CDH23: variants seen among roughly 807,000 people sequenced by gnomAD.
CDH23 encodes the protein cadherin related 23.
A neutral mutation model predicts 317.1 loss-of-function variants in CDH23; 189 were observed. The observed-to-expected ratio is 0.60, with a 90% CI of 0.53 to 0.67. The LOEUF is 0.67. CDH23 is among the 30% of genes least tolerant of loss of function. The pLI is 0.00. For synonymous variants in CDH23, 1,839 were observed against 1,876.8 expected (o/e 0.98, Z 0.52); for missense variants, 4,401 against 4,592.4 (o/e 0.96, Z 1.20).
intron 14 of CDH23, among the ~76,000 whole-genome samples, chr10:71,660,740 A>T (rs1327329042): frequency 6.6e-6 from 1 of 152,208 alleles, no homozygotes; most frequent in Non-Finnish European, 1.5e-5. Context: ...AAGTTAGGGA[A>T]GGCATGGCTG....
intron 26 of CDH23, chr10:71,707,303 T>C: frequency 7.0e-7 from 1 of 1,429,830 alleles, no homozygotes; most frequent in Non-Finnish European, 9.1e-7. Flanking sequence ...ACGGGGAGCA[T>C]CTACCAAGGT....
intron 18 of CDH23, among the ~76,000 whole-genome samples, chr10:71,686,193 C>T (rs76730181): frequency 0.028 from 4,247 of 152,114 alleles, 257 homozygotes; most frequent in East Asian, 0.24. Flanking sequence ...GAAATATCAC[C>T]GCTAATAAGT....
intron 11 of CDH23, among the ~76,000 whole-genome samples, chr10:71,634,219 G>A (rs80180125): frequency 0.057 from 8,651 of 152,310 alleles, 359 homozygotes; most frequent in Non-Finnish European, 0.097. Context: ...CCCTCTCTGC[G>A]GTGCTGCCCC....
At chr10:71,442,140 G>A (rs1564582465) in intron 2 of CDH23, among the ~76,000 whole-genome samples, 1 of 152,164 alleles carries the variant, frequency 6.6e-6, no homozygotes, top group Non-Finnish European at 1.5e-5. Flanking sequence ...GAGCAAAATG[G>A]GGCATAGAAA....
intron 3 of CDH23, among the ~76,000 whole-genome samples, chr10:71,457,665 G>A (rs1018769496): frequency 1.3e-5 from 2 of 152,262 alleles, no homozygotes; most frequent in Non-Finnish European, 2.9e-5. Context: ...CGGTGCCTGA[G>A]TCCCAGGCCT....
chr10:71,443,392 C>T (rs1228250704), intron 2 of CDH23, among the ~76,000 whole-genome samples: 1 of 152,242 alleles, frequency 6.6e-6, no homozygotes, highest in Non-Finnish European at 1.5e-5. Flanking sequence ...ACCTCCATGC[C>T]GCCACCCAGC....
At chr10:71,683,484 C>T (rs1864742417) in intron 18 of CDH23, among the ~76,000 whole-genome samples, 1 of 152,182 alleles carries the variant, frequency 6.6e-6, no homozygotes. Flanking sequence ...GTCTTCTCAA[C>T]CCGAGGCTGA....
chr10:71,503,780 T>C (rs1589143059), intron 3 of CDH23, among the ~76,000 whole-genome samples: 1 of 152,184 alleles, frequency 6.6e-6, no homozygotes, highest in South Asian at 2.1e-4. Context: ...CTCCCCAACG[T>C]GCTAACTCGC....
At chr10:71,573,389 A>G (rs763978166) in intron 8 of CDH23, among the ~76,000 whole-genome samples, 2 of 152,198 alleles carry the variant, frequency 1.3e-5, no homozygotes, top group South Asian at 2.1e-4. Context: ...TGAGCTGTCC[A>G]TCCATTGGGT....
chr10:71,640,623 C>T (rs910172343), intron 11 of CDH23, among the ~76,000 whole-genome samples: 2 of 152,208 alleles, frequency 1.3e-5, no homozygotes, highest in African/African-American at 4.8e-5. Context: ...TGGCGCATGC[C>T]TGTAATCCCA....
rs894085797 is a variant in CDH23 at position 71,503,957 on chromosome 10, G to A, written c.146-6125G>A. On this transcript the variant is annotated intron_variant, in intron 3 of 69. Transcript: ENST00000224721. ...GTGGGGCCAGATGGGGCTCAGCCCA[G>A]TGAGCCTGTGAGATTCAGTGATGGA... is the stretch of plus-strand genomic sequence containing the variant. Among the ~76,000 whole-genome samples, 8 of 152,302 alleles carry A rather than the reference G, an allele frequency of 5.3e-5. No homozygotes were observed. The East Asian group carries it at 1.5e-3, about 29-fold the overall frequency.
rs1322044974 is a variant in CDH23, at chr10:71,682,428, T to C, written c.1859-17T>C. On this transcript the variant is annotated splice_polypyrimidine_tract_variant and intron_variant, in intron 17 of 69. Coordinates refer to ENST00000224721, the MANE Select transcript of CDH23 (RefSeq NM_022124.6). ...AGTCTGCTTACAGAGGGATCTGGCC[T>C]GTTCCTGTCATTGCAGTGATCAGCG... 1.2e-6 allele frequency: 2 copies of C among 1,610,572 alleles called. No individual in the cohort carries two copies. Among genetic ancestry groups the C allele is most frequent in the East Asian group, 4.5e-5 (2 of 44,802 alleles).
chr10:71,624,734 C>CTATTATTAT (rs57038733), intron 11 of CDH23, among the ~76,000 whole-genome samples: 7,640 of 146,148 alleles, frequency 0.052, 368 homozygotes, highest in African/African-American at 0.12. Context: ...TAGACATTAG[C>CTATTATTAT]TATTATTATT....
chr10:71,549,216 G>A (rs1564646587), intron 6 of CDH23, among the ~76,000 whole-genome samples: 1 of 152,252 alleles, frequency 6.6e-6, no homozygotes, highest in Non-Finnish European at 1.5e-5. Context: ...ACTGGGCAGG[G>A]CCCACAGAGT....
Position 71,811,667 on chromosome 10 carries a change from A to AC in CDH23, c.9279-45dup, listed in dbSNP as rs1841932187. ...GGCCACGAGGCAGGCAGGGCCTGAG[A>AC]CGTCAGCTTGGCCCCCCTCACCAGC... is the stretch of plus-strand genomic sequence containing the variant. On this transcript the variant is annotated intron_variant, in intron 64 of 69. Coordinates refer to ENST00000224721, the MANE Select transcript of CDH23 (RefSeq NM_022124.6). 9.9e-6 allele frequency: 16 copies of AC among 1,613,580 alleles called. No individual in the cohort carries two copies. The East Asian group carries it at 3.6e-4, about 36-fold the overall frequency.
intron 1 of CDH23, among the ~76,000 whole-genome samples, chr10:71,433,251 C>T (rs1028212434): frequency 1.2e-4 from 19 of 152,204 alleles, no homozygotes; most frequent in African/African-American, 3.1e-4. Flanking sequence ...TTCCTAGGGA[C>T]ATCCCACAGT....
At chr10:71,792,964 T>A (rs564235533) in intron 47 of CDH23, among the ~76,000 whole-genome samples, 1 of 147,534 alleles carries the variant, frequency 6.8e-6, no homozygotes, top group South Asian at 2.2e-4. Flanking sequence ...AAGATACAAC[T>A]AATTATTACA....
Position 71,654,376 on chromosome 10 carries a change from C to T in CDH23, c.1449+7759C>T, listed in dbSNP as rs758423461. Among the ~76,000 whole-genome samples the T allele has an allele frequency of 2.0e-5, 3 of 152,220 alleles. No individual in the cohort carries two copies. The East Asian group carries it at 5.8e-4, about 29-fold the overall frequency. The stretch of plus-strand genomic sequence containing the variant: ...CTCAGTGGCTCTCCACGGTTTTCAT[C>T]GATCCCTACATTCAGTCAACAGTCA... On this transcript the variant is annotated intron_variant, in intron 14 of 69. Transcript: ENST00000224721.
chr10:71,807,170 T>C, intron 57 of CDH23, 107 bp from the exon 58 acceptor site: 1 of 1,411,166 alleles, frequency 7.1e-7, no homozygotes, highest in Non-Finnish European at 9.6e-7. Context: ...GCCTGGACAG[T>C]AAACTCCCTC....
Sources: allele counts gnomAD v4.1 joint callset (sites outside exome capture counted in the v4.1 genomes callset), GRCh38; gene constraint gnomAD v4.1.1; transcripts MANE v1.5; gene names NCBI Gene and HGNC (gene_info 2026-07-23, HGNC 2026-07-21).